The following MRPS28 variants were observed in gnomAD, a reference collection of about 807,000 sequenced individuals.
MRPS28 encodes the protein small ribosomal subunit protein bS1m.
A neutral mutation model predicts 10.8 loss-of-function variants in MRPS28; 7 were observed. The ratio of observed to expected loss-of-function variants is 0.65; its 90% CI spans 0.37 to 1.22. MRPS28 has a LOEUF of 1.22. Among genes scored for constraint, MRPS28 ranks in the 50% most tolerant of loss-of-function variants. The pLI is 0.02. For synonymous variants in MRPS28, 121 were observed against 93.3 expected, an observed-to-expected ratio of 1.30 and a Z score of -1.71; for missense variants, 265 against 232.9, an observed-to-expected ratio of 1.14 and a Z score of -0.90.
At position 79,998,181 on chromosome 8, in the gene MRPS28, C is replaced by T. The variant is rs1361207557; in HGVS notation, c.395+4818G>A. 2.0e-5 allele frequency among the ~76,000 whole-genome samples: 3 copies of T among 152,018 alleles called. No individual in the cohort carries two copies. In the East Asian group the frequency reaches 5.8e-4, roughly 29 times the overall value. ...ACAGGACTACTAATTTCTAATGTTC[C>T]ATGTGGTGTTGGTATCTGTCAGTGG... On this transcript the variant is annotated intron_variant, in intron 2 of 2. Coordinates refer to ENST00000276585, the MANE Select transcript of MRPS28 (RefSeq NM_014018.3).
intron 2 of MRPS28, among the ~76,000 whole-genome samples, chr8:79,943,260 T>C (rs1011550646): frequency 9.2e-5 from 14 of 152,350 alleles, no homozygotes; most frequent in African/African-American, 3.4e-4. Context: ...AGGCAGCTGC[T>C]TGCCTGTCAT....
At chr8:80,005,174 C>A (rs1185632195) in intron 1 of MRPS28, among the ~76,000 whole-genome samples, 1 of 152,108 alleles carries the variant, frequency 6.6e-6, no homozygotes, top group Non-Finnish European at 1.5e-5. Context: ...AACTCCAAGA[C>A]ACACAATTAT....
chr8:80,021,464 A>T (rs1295948020), intron 1 of MRPS28, among the ~76,000 whole-genome samples: 3 of 152,228 alleles, frequency 2.0e-5, no homozygotes, highest in Non-Finnish European at 4.4e-5. Context: ...GAGACTGGAC[A>T]GTCAGTCTCT....
chr8:79,921,055 C>T (rs925995318), intron 2 of MRPS28, among the ~76,000 whole-genome samples: 2 of 152,148 alleles, frequency 1.3e-5, no homozygotes, highest in African/African-American at 4.8e-5. Flanking sequence ...GAATCCTTTC[C>T]CCATTGCTTG....
intron 2 of MRPS28, among the ~76,000 whole-genome samples, chr8:80,000,587 A>C (rs951955906): frequency 6.6e-6 from 1 of 152,238 alleles, no homozygotes; most frequent in Non-Finnish European, 1.5e-5. Context: ...GTATATATTT[A>C]GTTTTAAATA....
rs548576662 is a variant in MRPS28, at chr8:79,923,375, T to A, written c.396-4227A>T. On this transcript the variant is annotated intron_variant, in intron 2 of 2. Transcript: ENST00000276585. ...TCCCTTTAGGAGTGGTAAGAATTTA[T>A]CACTCCATAGAGTCTTATAATGTCT... Among the ~76,000 whole-genome samples, 92 of 152,288 alleles carry A rather than the reference T, an allele frequency of 6.0e-4. 1 individual carries two copies. The highest frequency in any genetic ancestry group is 2.2e-3 in the African/African-American group (92 of 41,568).
chr8:80,023,180 A>G (rs1315164860), intron 1 of MRPS28, among the ~76,000 whole-genome samples: 1 of 152,226 alleles, frequency 6.6e-6, no homozygotes, highest in Non-Finnish European at 1.5e-5. Context: ...CTAGAATTCT[A>G]TAATGTAAAA....
intron 1 of MRPS28, among the ~76,000 whole-genome samples, chr8:80,028,175 A>T (rs1359533085): frequency 6.6e-6 from 1 of 152,226 alleles, no homozygotes; most frequent in Non-Finnish European, 1.5e-5. Flanking sequence ...CTCTTACCAC[A>T]GTTAACTCAG....
intron 1 of MRPS28, among the ~76,000 whole-genome samples, chr8:80,011,515 A>T (rs1434045146): frequency 6.6e-6 from 1 of 151,762 alleles, no homozygotes; most frequent in Non-Finnish European, 1.5e-5. Context: ...GCACTATGGG[A>T]GGCCAAGGTG....
chr8:79,970,043 A>G (rs1324990754), intron 2 of MRPS28, among the ~76,000 whole-genome samples: 1 of 152,200 alleles, frequency 6.6e-6, no homozygotes, highest in South Asian at 2.1e-4. Flanking sequence ...TGCCATTCCT[A>G]CAGTACTTAT....
chr8:79,975,531 T>A (rs1310106691), intron 2 of MRPS28, among the ~76,000 whole-genome samples: 2 of 151,956 alleles, frequency 1.3e-5, no homozygotes, highest in East Asian at 3.9e-4. Flanking sequence ...ACAAAGAGTA[T>A]AAACTAACAA....
chr8:79,918,895 A>G lies in MRPS28; in HGVS notation c.*85T>C. 1 of 1,111,046 alleles carries G rather than the reference A, an allele frequency of 9.0e-7. No homozygotes were observed. The highest frequency in any genetic ancestry group is 1.2e-6 in the Non-Finnish European group (1 of 818,826). 68.8% of individuals were successfully genotyped at this position (1,111,046 alleles called of 1,614,324 possible). A position where few individuals can be genotyped will look rare whatever the true frequency, so the allele number is the denominator to read the frequency against. ...GCTTTTATTTATTATATCTTCATTC[A>G]ATCATTTATTCACAATTAGTCTAAT... On this transcript the variant is annotated 3_prime_UTR_variant, in exon 3 of 3. Transcript: ENST00000276585.
intron 2 of MRPS28, chr8:79,956,958 C>T (rs938868493): frequency 6.6e-6 from 1 of 152,160 alleles, no homozygotes; most frequent in African/African-American, 2.4e-5. Flanking sequence ...CAAGGCCTTT[C>T]CTGGTACCTT....
chr8:79,923,782 A>G lies in MRPS28; in HGVS notation c.396-4634T>C, dbSNP rs568081035. ...GGATTCAATCTCAGCCTTTACCAAG[A>G]CTGCTCTCTTCCACTGTGCACTTTC... On this transcript the variant is annotated intron_variant, in intron 2 of 2. Transcript: ENST00000276585. Among the ~76,000 whole-genome samples, 29 of 152,306 alleles carry G rather than the reference A, an allele frequency of 1.9e-4. 1 individual carries two copies. The South Asian group carries it at 6.0e-3, about 32-fold the overall frequency.
chr8:79,935,981 CTGA>C lies in MRPS28; in HGVS notation c.396-16836_396-16834del, dbSNP rs537835121. On this transcript the variant is annotated intron_variant, in intron 2 of 2. Coordinates refer to ENST00000276585, the MANE Select transcript of MRPS28 (RefSeq NM_014018.3). ...AAAAGAAAAAAAATCCTCTAGTGCACTGATAATCACAAAAATGCAAATTAAATC... is the reference window on the plus strand; with the variant it reads ...AAAAGAAAAAAAATCCTCTAGTGCACTAATCACAAAAATGCAAATTAAATC... Among the ~76,000 whole-genome samples, 324 of 151,852 alleles carry C rather than the reference CTGA, an allele frequency of 2.1e-3. 3 individuals carry two copies. The highest frequency in any genetic ancestry group is 7.5e-3 in the African/African-American group (309 of 41,458).
intron 2 of MRPS28, among the ~76,000 whole-genome samples, chr8:79,971,153 C>A (rs1323462188): frequency 1.3e-5 from 2 of 152,102 alleles, no homozygotes; most frequent in African/African-American, 4.8e-5. Context: ...GTAATCAGAT[C>A]ATTTCCTCAA....
intron 2 of MRPS28, among the ~76,000 whole-genome samples, chr8:79,982,582 G>T (rs868477700): frequency 6.6e-6 from 1 of 152,202 alleles, no homozygotes; most frequent in Non-Finnish European, 1.5e-5. Context: ...TTTTCCGACG[G>T]TCTTAAAAAA....
At chr8:80,016,567 A>G (rs1266264220) in intron 1 of MRPS28, among the ~76,000 whole-genome samples, 2 of 152,288 alleles carry the variant, frequency 1.3e-5, no homozygotes, top group East Asian at 3.9e-4. Context: ...AATTCTTTAG[A>G]AAGAAGAAAA....
chr8:80,025,323 C>T (rs369852224), intron 1 of MRPS28, among the ~76,000 whole-genome samples: 1 of 152,162 alleles, frequency 6.6e-6, no homozygotes, highest in Non-Finnish European at 1.5e-5. Context: ...ACCTATTACA[C>T]CCCATGAGTT....
Sources: allele counts gnomAD v4.1 joint callset (sites outside exome capture counted in the v4.1 genomes callset), GRCh38; gene constraint gnomAD v4.1.1; transcripts MANE v1.5; gene names NCBI Gene and HGNC (gene_info 2026-07-23, HGNC 2026-07-21).